NFIB: variants seen among roughly 807,000 people sequenced by gnomAD.
NFIB encodes nuclear factor I B.
A neutral mutation model predicts 61.5 loss-of-function variants in NFIB; 11 were observed. The ratio of observed to expected loss-of-function variants is 0.18; its 90% CI spans 0.11 to 0.30. The LOEUF is 0.30. Ranked by LOEUF, NFIB falls within the 10% of genes least tolerant of loss-of-function variation. NFIB has a pLI of 1.00. For synonymous variants in NFIB, 260 were observed against 216.5 expected, an observed-to-expected ratio of 1.20 and a Z score of -1.76; for missense variants, 471 against 608.9, an observed-to-expected ratio of 0.77 and a Z score of 2.38.
At chr9:14,380,556 G>A (rs1422353969) in intron 1 of NFIB, among the ~76,000 whole-genome samples, 1 of 152,100 alleles carries the variant, frequency 6.6e-6, no homozygotes, top group Non-Finnish European at 1.5e-5. Flanking sequence ...AGTATACATG[G>A]GAAATGATTA....
At chr9:14,425,247 T>A in the NFIB span, among the ~76,000 whole-genome samples, 2 of 152,190 alleles carry the variant, frequency 1.3e-5, no homozygotes, top group Non-Finnish European at 2.9e-5. Context: ...CTACAGTGAT[T>A]CTTAGTGTCA....
intron 2 of NFIB, among the ~76,000 whole-genome samples, chr9:14,222,682 C>A (rs2051825557): frequency 6.7e-6 from 1 of 150,238 alleles, no homozygotes. Context: ...ATGGTCCCAG[C>A]CACTTGGGAG....
chr9:14,354,082 G>T (rs2061147729), intron 1 of NFIB, among the ~76,000 whole-genome samples: 1 of 152,068 alleles, frequency 6.6e-6, no homozygotes, highest in Non-Finnish European at 1.5e-5. Context: ...CTCTAATGTT[G>T]ATTGGGATTG....
the NFIB span, among the ~76,000 whole-genome samples, chr9:14,426,513 AAT>A: frequency 2.6e-5 from 4 of 152,356 alleles, no homozygotes; most frequent in South Asian, 8.3e-4. Context: ...GCGGACATGT[AAT>A]ATATGTTTGC....
Position 14,083,708 on chromosome 9 carries a change from T to C in NFIB, c.*4601A>G. 4.5e-6 allele frequency: 1 copy of C among 224,338 alleles called. No homozygotes were observed. Among genetic ancestry groups the C allele is most frequent in the African/African-American group, 2.2e-5 (1 of 44,916 alleles). The allele number at this position is 224,338 out of a possible 1,614,324, so 13.9% of individuals were successfully genotyped here. ...CTGCAGCCTTCATCATTTCACACAG[T>C]ACATAGAATTTGAATCTAGGTAAAG... On this transcript the variant is annotated 3_prime_UTR_variant, in exon 11 of 11. Coordinates refer to ENST00000380953, the MANE Select transcript of NFIB (RefSeq NM_001190737.2).
At position 14,123,417 on chromosome 9, in the gene NFIB, T is replaced by C. The variant is rs1222582249; in HGVS notation, c.1060+2215A>G. On this transcript the variant is annotated intron_variant, in intron 7 of 10. Transcript: ENST00000380953. ...CTTCAGTCTTGCTCCTTCCAAAACA[T>C]CCTTTATAGTGCTATGTGAATTACT... 1.3e-5 allele frequency among the ~76,000 whole-genome samples: 2 copies of C among 152,192 alleles called. 1 individual carries two copies. Among genetic ancestry groups the C allele is most frequent in the Non-Finnish European group, 2.9e-5 (2 of 68,036 alleles).
At chr9:14,376,264 A>C (rs1588391307) in intron 1 of NFIB, among the ~76,000 whole-genome samples, 1 of 152,188 alleles carries the variant, frequency 6.6e-6, no homozygotes, top group African/African-American at 2.4e-5. Flanking sequence ...AAAGAGCAGA[A>C]AATTCCACAT....
intron 6 of NFIB, among the ~76,000 whole-genome samples, chr9:14,144,141 G>A (rs1402485298): frequency 1.3e-5 from 2 of 151,750 alleles, no homozygotes; most frequent in African/African-American, 4.8e-5. Flanking sequence ...AAATCACCAA[G>A]ACAATACAAT....
the NFIB span, among the ~76,000 whole-genome samples, chr9:14,526,950 T>C: frequency 2.0e-5 from 3 of 152,190 alleles, no homozygotes; most frequent in Admixed American, 2.0e-4. Context: ...CTAATCACTG[T>C]TTATTAAGAT....
At chr9:14,228,175 T>A (rs924524412) in intron 2 of NFIB, among the ~76,000 whole-genome samples, 16 of 150,610 alleles carry the variant, frequency 1.1e-4, no homozygotes, top group African/African-American at 3.9e-4. Flanking sequence ...ATTAGATTAT[T>A]GAAATAATAA....
chr9:14,103,709 A>G (rs913356051), intron 10 of NFIB, among the ~76,000 whole-genome samples: 1 of 152,142 alleles, frequency 6.6e-6, no homozygotes, highest in Non-Finnish European at 1.5e-5. Context: ...TGAGGCTCTA[A>G]AAATACTAGC....
At chr9:14,401,098 G>A (rs1400152310), upstream of NFIB, among the ~76,000 whole-genome samples, 1 of 152,226 alleles carries the variant, frequency 6.6e-6, no homozygotes, top group Non-Finnish European at 1.5e-5. Flanking sequence ...TGGTTAAGTA[G>A]ATGCTCAATA....
the NFIB span, among the ~76,000 whole-genome samples, chr9:14,425,867 C>G: frequency 1.3e-5 from 2 of 152,080 alleles, no homozygotes; most frequent in Non-Finnish European, 2.9e-5. Flanking sequence ...ATGAAATACA[C>G]TTAGGCTCTG....
chr9:14,116,289 C>T lies in NFIB; in HGVS notation c.1303G>A (p.Ala435Thr), dbSNP rs1339411305. 2 of 1,537,152 alleles carry T rather than the reference C, an allele frequency of 1.3e-6. No homozygotes were observed. The highest frequency in any genetic ancestry group is 2.5e-5 in the East Asian group (1 of 40,150). ...ACTGCACTGGGATGGGGAGAGGGTG[C>T]CAAGACAGGAGTGAAATGGCCAGGC... is the stretch of plus-strand genomic sequence containing the variant. ...KVPGHFTPVL[A>T]PSPHPSAVRP... Residue 435 changes from alanine (A) to threonine (T), a missense_variant, in exon 9 of 11, where the codon GCA becomes ACA. Ala to Thr is a moderately conservative substitution (Grantham distance 58). Coordinates refer to ENST00000380953, the MANE Select transcript of NFIB (RefSeq NM_001190737.2).
chr9:14,381,363 T>C (rs2061487484), intron 1 of NFIB, among the ~76,000 whole-genome samples: 1 of 151,972 alleles, frequency 6.6e-6, no homozygotes, highest in Non-Finnish European at 1.5e-5. Flanking sequence ...AGCTAATTTT[T>C]TAATTTTTGT....
At chr9:14,111,476 G>A (rs951904158) in intron 10 of NFIB, among the ~76,000 whole-genome samples, 8 of 152,064 alleles carry the variant, frequency 5.3e-5, no homozygotes, top group African/African-American at 1.9e-4. Context: ...AATTAGAGAT[G>A]TGTCATAAAG....
At chr9:14,375,842 G>T (rs1272871119) in intron 1 of NFIB, among the ~76,000 whole-genome samples, 1 of 152,104 alleles carries the variant, frequency 6.6e-6, no homozygotes, top group East Asian at 1.9e-4. Flanking sequence ...GTATGGGATG[G>T]GAAATTAAAA....
At chr9:14,208,562 C>CTT (rs35510277) in intron 2 of NFIB, among the ~76,000 whole-genome samples, 4 of 139,422 alleles carry the variant, frequency 2.9e-5, no homozygotes, top group South Asian at 4.5e-4. Context: ...CTTAAAAGAG[C>CTT]TTTTTTTTTT....
chr9:14,387,035 C>T (rs12345851), intron 1 of NFIB, among the ~76,000 whole-genome samples: 2,048 of 152,234 alleles, frequency 0.013, 47 homozygotes, highest in African/African-American at 0.046. Context: ...TTTTCAAGGA[C>T]TAGGGTTCCA....
Sources: allele counts gnomAD v4.1 joint callset (sites outside exome capture counted in the v4.1 genomes callset), GRCh38; gene constraint gnomAD v4.1.1; transcripts MANE v1.5; gene names NCBI Gene and HGNC (gene_info 2026-07-23, HGNC 2026-07-21).